ITSN1: variants seen among roughly 807,000 people sequenced by gnomAD.
ITSN1 encodes intersectin-1.
In ITSN1, 58 loss-of-function variants were observed where a neutral mutation model predicts 239.8. That is an observed-to-expected ratio of 0.24 (90% CI 0.20 to 0.30). The LOEUF (loss-of-function observed/expected upper bound fraction) is 0.30, where lower values mean the gene tolerates loss of function less well. Among genes scored for constraint, ITSN1 ranks in the 10% least tolerant of loss-of-function variants. The pLI is 1.00. For missense variants in ITSN1, 1,558 were observed against 2,103.3 expected, an observed-to-expected ratio of 0.74 and a Z score of 5.07; for synonymous variants, 780 against 770.8, an observed-to-expected ratio of 1.01 and a Z score of -0.20.
chr21:33,806,172 C>G (rs929348074), intron 20 of ITSN1, among the ~76,000 whole-genome samples: 1 of 129,474 alleles, frequency 7.7e-6, no homozygotes, highest in Admixed American at 7.6e-5. Context: ...GATCGCGCCA[C>G]TGCACTCCAG....
In ITSN1 at chr21:33,865,055, C is replaced by T; in HGVS notation, c.3891-96C>T. 2 of 1,204,694 alleles carry T rather than the reference C, an allele frequency of 1.7e-6. No individual in the cohort carries two copies. The allele number at this position is 1,204,694 out of a possible 1,614,324, so 74.6% of individuals were successfully genotyped here. On this transcript the variant is annotated intron_variant, in intron 31 of 39. Coordinates refer to ENST00000381318, the MANE Select transcript of ITSN1 (RefSeq NM_003024.3). This position sits in a 1 kb window ranked among gnomAD's most constrained non-coding sequence, Gnocchi z 4.4. ...CCTTTAGTGGCCCTTAAGGCTGTGC[C>T]CCTCACACACATTCTGTTTCTGTGC...
chr21:33,769,784 C>T (rs1202897156), intron 11 of ITSN1, among the ~76,000 whole-genome samples: 3 of 151,964 alleles, frequency 2.0e-5, no homozygotes, highest in Non-Finnish European at 4.4e-5. Flanking sequence ...CAGCCTCCGC[C>T]TCCTGGGTTC....
chr21:33,649,119 G>A (rs565450037), intron 1 of ITSN1, among the ~76,000 whole-genome samples: 63 of 152,316 alleles, frequency 4.1e-4, no homozygotes, highest in Non-Finnish European at 7.1e-4. Flanking sequence ...GTGTGATGAG[G>A]GAGACAGCTG....
intron 22 of ITSN1, among the ~76,000 whole-genome samples, chr21:33,814,973 G>T (rs148939412): frequency 1.3e-5 from 2 of 152,334 alleles, no homozygotes; most frequent in Admixed American, 1.3e-4. Context: ...AGGAAAGAGG[G>T]CTGGGATTGA....
intron 14 of ITSN1, among the ~76,000 whole-genome samples, chr21:33,779,468 C>T (rs1257899618): frequency 6.6e-6 from 1 of 152,022 alleles, no homozygotes; most frequent in Non-Finnish European, 1.5e-5. Context: ...AGCATATGCT[C>T]TGTCTTGGGG....
intron 7 of ITSN1, 140 bp downstream of exon 7, chr21:33,752,046 T>A (rs2067590609): frequency 1.6e-6 from 1 of 609,126 alleles, no homozygotes; most frequent in South Asian, 2.2e-5. Context: ...AATAATAATT[T>A]TCTTAATTTC....
chr21:33,839,586 A>T (rs1362968265), intron 29 of ITSN1, among the ~76,000 whole-genome samples: 3 of 152,084 alleles, frequency 2.0e-5, no homozygotes, highest in African/African-American at 7.2e-5. Flanking sequence ...CTTCCCCAGG[A>T]TCCCTTCAGC....
At chr21:33,748,865 A>G (rs887774554) in intron 5 of ITSN1, among the ~76,000 whole-genome samples, 1 of 152,172 alleles carries the variant, frequency 6.6e-6, no homozygotes, top group Non-Finnish European at 1.5e-5. Flanking sequence ...ATCTTGTCTC[A>G]AACAAACAAA....
intron 1 of ITSN1, among the ~76,000 whole-genome samples, chr21:33,701,289 C>T (rs1302771223): frequency 3.3e-5 from 5 of 151,852 alleles, no homozygotes; most frequent in Admixed American, 2.0e-4. Context: ...TTTGTAGAGA[C>T]GGGGTTTTGC....
intron 29 of ITSN1, among the ~76,000 whole-genome samples, chr21:33,844,991 C>T (rs1379283409): frequency 1.3e-5 from 2 of 152,104 alleles, no homozygotes; most frequent in East Asian, 3.9e-4. Flanking sequence ...CCAGGAGGGA[C>T]CCAGTCTACT....
intron 26 of ITSN1, among the ~76,000 whole-genome samples, chr21:33,827,742 G>A (rs2074053607): frequency 6.6e-6 from 1 of 152,200 alleles, no homozygotes; most frequent in Non-Finnish European, 1.5e-5. Context: ...AGAAAAGAAA[G>A]AAGCGGATGT....
chr21:33,885,425 T>C lies in ITSN1; in HGVS notation c.4760-14T>C. 1 of 1,613,226 alleles carries C rather than the reference T, an allele frequency of 6.2e-7. No homozygotes were observed. The highest frequency in any genetic ancestry group is 1.1e-5 in the South Asian group (1 of 91,068). ...GTTCAAATGAAGCATTTTGTGTTTT[T>C]CCTGCCGTCATAGTCCGTTCCCAAA... On this transcript the variant is annotated splice_polypyrimidine_tract_variant and intron_variant, in intron 37 of 39. Transcript: ENST00000381318.
chr21:33,687,097 A>G (rs2091278411), intron 1 of ITSN1, among the ~76,000 whole-genome samples: 1 of 152,140 alleles, frequency 6.6e-6, no homozygotes, highest in African/African-American at 2.4e-5. Context: ...TTGGGAGGCC[A>G]AGGTGGGCAG....
In ITSN1 at chr21:33,891,933, CA is replaced by C. The variant is rs1298193449; in HGVS notation, c.*3636del. 1 of 151,426 alleles carries C rather than the reference CA, an allele frequency of 6.6e-6. No homozygotes were observed. The highest frequency in any genetic ancestry group is 1.5e-5 in the Non-Finnish European group (1 of 67,882). The allele number at this position is 151,426 out of a possible 1,614,324, so 9.4% of individuals were successfully genotyped here. A position where few individuals can be genotyped will look rare whatever the true frequency, so the allele number is the denominator to read the frequency against. On this transcript the variant is annotated 3_prime_UTR_variant, in exon 40 of 40. Coordinates refer to ENST00000381318, the MANE Select transcript of ITSN1 (RefSeq NM_003024.3). ...CAACTTTAAGAATTTCCATTGGAAA[CA>C]AAGTATGATTTGATTTGATTTGATT...
At chr21:33,739,695 G>A (rs1202543084) in intron 5 of ITSN1, among the ~76,000 whole-genome samples, 1 of 152,184 alleles carries the variant, frequency 6.6e-6, no homozygotes, top group East Asian at 1.9e-4. Context: ...TAGGGGAGAG[G>A]CCTTCCAGGC....
intron 35 of ITSN1, 103 bp from the exon 36 acceptor site, chr21:33,883,447 G>A (rs778960127): frequency 1.4e-5 from 21 of 1,502,422 alleles, no homozygotes; most frequent in Admixed American, 1.0e-4. Context: ...TTGCAGTCTC[G>A]TTTACTAGAA....
At chr21:33,759,835 C>T (rs2068167650) in intron 8 of ITSN1, among the ~76,000 whole-genome samples, 1 of 152,168 alleles carries the variant, frequency 6.6e-6, no homozygotes, top group Non-Finnish European at 1.5e-5. Context: ...CACAGTGACT[C>T]ATACCTGTAA....
intron 5 of ITSN1, among the ~76,000 whole-genome samples, chr21:33,749,383 C>T (rs2067398943): frequency 6.6e-6 from 1 of 152,028 alleles, no homozygotes; most frequent in South Asian, 2.1e-4. Flanking sequence ...TGGCTCATGC[C>T]TGTAATCCCA....
At chr21:33,799,101 A>G (rs1956499716) in intron 18 of ITSN1, among the ~76,000 whole-genome samples, 1 of 152,192 alleles carries the variant, frequency 6.6e-6, no homozygotes, top group Non-Finnish European at 1.5e-5. Context: ...GCTCTTGAGT[A>G]AAAATGCCCA....
Sources: gnomAD v4.1 joint callset for allele counts (sites outside exome capture counted in the v4.1 genomes callset) on GRCh38, gnomAD v4.1.1 for gene constraint, Gnocchi (gnomAD v3.1) non-coding constraint, MANE v1.5 for transcripts, NCBI Gene and HGNC (gene_info 2026-07-23, HGNC 2026-07-21) for gene names.